Variants in FSTL1 observed in about 807,000 individuals in gnomAD.
The protein encoded by FSTL1 is follistatin like 1, also known as follistatin-related protein 1.
FSTL1 carries 24 observed loss-of-function variants against 45.9 expected under a neutral mutation model. That is an observed-to-expected ratio of 0.52 (90% confidence interval 0.38 to 0.74). The LOEUF (loss-of-function observed/expected upper bound fraction) is 0.74. FSTL1 is among the 30% of genes least tolerant of loss of function. The probability of loss-of-function intolerance (pLI) is 0.00; values close to 1 mark genes in which losing one functional copy is unlikely to be tolerated. For synonymous variants in FSTL1, 120 were observed against 137.6 expected (o/e 0.87, Z 0.89); for missense variants, 340 against 381.8 (o/e 0.89, Z 0.91).
Position 120,409,507 on chromosome 3 carries a change from A to G in FSTL1, c.462+25T>C. On this transcript the variant is annotated intron_variant, in intron 6 of 10. Coordinates refer to ENST00000295633, the MANE Select transcript of FSTL1 (RefSeq NM_007085.5). ...AGCTTCCCTTTCTATGGGCCTGAAT[A>G]GTCTTCCTCCTACCTCTGGATTACC... The G allele has an allele frequency of 1.9e-6, 3 of 1,609,880 alleles. No individual in the cohort carries two copies. The South Asian group carries it at 3.3e-5, about 18-fold the overall frequency.
chr3:120,408,356 T>C (rs566363556), intron 6 of FSTL1, among the ~76,000 whole-genome samples: 11 of 152,302 alleles, frequency 7.2e-5, no homozygotes, highest in African/African-American at 2.6e-4. Flanking sequence ...AATCCAGAGA[T>C]TTAGTATCTG....
intron 6 of FSTL1, among the ~76,000 whole-genome samples, chr3:120,405,918 T>G (rs1351653390): frequency 6.6e-6 from 1 of 152,160 alleles, no homozygotes; most frequent in Non-Finnish European, 1.5e-5. Context: ...ATCCTTTCCC[T>G]AGGCTCCCTC....
chr3:120,443,306 C>G (rs1937664126), intron 2 of FSTL1, among the ~76,000 whole-genome samples: 1 of 149,342 alleles, frequency 6.7e-6, no homozygotes, highest in Non-Finnish European at 1.5e-5. Flanking sequence ...AGCCTTACAT[C>G]TGACCCCTAA....
chr3:120,437,106 T>C (rs1334795027), intron 2 of FSTL1, among the ~76,000 whole-genome samples: 6 of 152,216 alleles, frequency 3.9e-5, no homozygotes, highest in Admixed American at 3.3e-4. Context: ...GCCAGGTATA[T>C]GTGTGAAGGG....
chr3:120,434,483 T>G (rs1339694471), intron 2 of FSTL1, among the ~76,000 whole-genome samples: 1 of 152,174 alleles, frequency 6.6e-6, no homozygotes, highest in African/African-American at 2.4e-5. Context: ...TATAAATAGA[T>G]CCTGTTCATG....
chr3:120,432,962 C>T (rs1466191687), intron 2 of FSTL1, among the ~76,000 whole-genome samples: 1 of 152,154 alleles, frequency 6.6e-6, no homozygotes, highest in Non-Finnish European at 1.5e-5. Flanking sequence ...TTGTTTTATC[C>T]ATACTGGAAA....
chr3:120,443,649 T>A (rs866183363), intron 2 of FSTL1, among the ~76,000 whole-genome samples: 2 of 149,530 alleles, frequency 1.3e-5, no homozygotes, highest in African/African-American at 2.6e-5. Context: ...CACATATAAA[T>A]CTGGGCCTGC....
At chr3:120,403,940 A>AC (rs1283749077) in intron 7 of FSTL1, among the ~76,000 whole-genome samples, 2 of 85,602 alleles carry the variant, frequency 2.3e-5, no homozygotes, top group East Asian at 2.3e-4. Context: ...AAAAAAAAAA[A>AC]AAAACAAAAA....
intron 9 of FSTL1, chr3:120,400,166 C>T: frequency 1.7e-6 from 1 of 584,404 alleles, no homozygotes; most frequent in East Asian, 2.8e-5. Context: ...AAGCAATCTA[C>T]CCCAACTCCT....
chr3:120,426,056 T>C (rs927159416), intron 2 of FSTL1, among the ~76,000 whole-genome samples: 2 of 152,158 alleles, frequency 1.3e-5, no homozygotes, highest in Admixed American at 6.5e-5. Flanking sequence ...GCCAAGAACC[T>C]GTCACTGAAG....
Position 120,410,975 on chromosome 3 carries a change from G to T in FSTL1, c.308C>A (p.Ser103Tyr), listed in dbSNP as rs748969403. Residue 103 changes from serine to tyrosine, a missense_variant, in exon 5 of 11, where the codon TCC becomes TAC. Ser to Tyr is a moderately radical substitution (Grantham distance 144). Coordinates refer to ENST00000295633, the MANE Select transcript of FSTL1 (RefSeq NM_007085.5). Reference protein sequence around the residue: ...DYDGHCKEKKSVSPSASPVVC... With the variant: ...DYDGHCKEKKYVSPSASPVVC... ...ACCTGGGCTGGCAGATGGACTTACG[G>T]ATTTCTTCTCTGCAAGACAAAAAGA... 1 of 1,609,158 alleles carries T rather than the reference G, an allele frequency of 6.2e-7. No individual in the cohort carries two copies. Among genetic ancestry groups the T allele is most frequent in the African/African-American group, 1.3e-5 (1 of 74,846 alleles).
chr3:120,446,409 AAC>A (rs1479192732), intron 2 of FSTL1, among the ~76,000 whole-genome samples: 10 of 152,312 alleles, frequency 6.6e-5, no homozygotes, highest in Admixed American at 4.6e-4. Flanking sequence ...CTTCTAGGGG[AAC>A]TGTAACGTGT....
rs1937618633 is a variant in FSTL1, at chr3:120,440,684, CTT to C, written c.63+9998_63+9999del. On this transcript the variant is annotated intron_variant, in intron 2 of 10. Transcript: ENST00000295633. ...CTTTTGTTTTCCTCTTTTGAGTTGA[CTT>C]TGAAAAATTTTACTTTGTCCCAGAT... is the stretch of plus-strand genomic sequence containing the variant. Among the ~76,000 whole-genome samples, 2 of 152,236 alleles carry C rather than the reference CTT, an allele frequency of 1.3e-5. 1 individual carries two copies. The highest frequency in any genetic ancestry group is 4.1e-4 in the South Asian group (2 of 4,824).
At chr3:120,413,872 G>A (rs897693527) in intron 3 of FSTL1, among the ~76,000 whole-genome samples, 3 of 125,304 alleles carry the variant, frequency 2.4e-5, no homozygotes, top group Middle Eastern at 3.8e-3. Flanking sequence ...CTGCCATCTC[G>A]GCTCACTGCA....
At chr3:120,397,047 G>T (rs377695507) in intron 10 of FSTL1, 51 bp from the exon 11 acceptor site, 42 of 1,375,888 alleles carry the variant, frequency 3.1e-5, no homozygotes, top group Non-Finnish European at 4.3e-5. Flanking sequence ...AACAACTGTT[G>T]GAATTTATCT....
intron 9 of FSTL1, chr3:120,400,172 C>A (rs1258322174): frequency 3.4e-6 from 2 of 579,834 alleles, no homozygotes; most frequent in East Asian, 5.7e-5. Flanking sequence ...TCTACCCCAA[C>A]TCCTCTCTGG....
chr3:120,435,383 G>A (rs894651518), intron 2 of FSTL1, among the ~76,000 whole-genome samples: 8 of 152,042 alleles, frequency 5.3e-5, no homozygotes, highest in Admixed American at 1.3e-4. Context: ...AGTTTCCCAC[G>A]TGCATCACCA....
At chr3:120,412,832 GCGCGCGCACACACACACACA>G (rs1219336982) in intron 3 of FSTL1, among the ~76,000 whole-genome samples, 2 of 128,520 alleles carry the variant, frequency 1.6e-5, no homozygotes, top group Admixed American at 7.7e-5. Context: ...GCGCGCGCGC[GCGCGCGCACACACACACACA>G]CACACACACA....
intron 2 of FSTL1, among the ~76,000 whole-genome samples, chr3:120,442,805 A>T (rs1299904601): frequency 5.9e-4 from 81 of 136,824 alleles, no homozygotes; most frequent in African/African-American, 2.7e-3. Flanking sequence ...AAAAAAAAAA[A>T]AAAAAGCAGA....
Sources: gnomAD v4.1 joint callset for allele counts (sites outside exome capture counted in the v4.1 genomes callset) on GRCh38, gnomAD v4.1.1 for gene constraint, MANE v1.5 for transcripts, NCBI Gene and HGNC (gene_info 2026-07-23, HGNC 2026-07-21) for gene names.